The following CBR4 variants were observed in gnomAD, a reference collection of about 807,000 sequenced individuals.
CBR4 encodes the protein 3-oxoacyl-[acyl-carrier-protein] reductase.
CBR4 carries 22 observed loss-of-function variants against 21.0 expected under a neutral mutation model. The observed-to-expected ratio is 1.05, with a 90% CI of 0.75 to 1.50. CBR4 has a LOEUF of 1.50. Among genes scored for constraint, CBR4 ranks in the 40% most tolerant of loss-of-function variants. The pLI, the probability that CBR4 is intolerant of heterozygous loss-of-function variation, is 0.00. For missense variants in CBR4, 302 were observed against 286.3 expected, an observed-to-expected ratio of 1.05 and a Z score of -0.40; for synonymous variants, 100 against 104.4, an observed-to-expected ratio of 0.96 and a Z score of 0.26.
chr4:168,964,691 G>A (rs976546751), intron 2 of CBR4, among the ~76,000 whole-genome samples: 8 of 152,322 alleles, frequency 5.3e-5, no homozygotes, highest in African/African-American at 1.9e-4. Flanking sequence ...GGATGATATG[G>A]TATTTGAGAG....
In CBR4 at chr4:169,007,721, C is replaced by G. The variant is rs147118476; in HGVS notation, c.178G>C (p.Glu60Gln). 20 of 1,590,098 alleles carry G rather than the reference C, an allele frequency of 1.3e-5. No individual in the cohort carries two copies. The highest frequency in any genetic ancestry group is 1.7e-4 in the Middle Eastern group (1 of 6,036). ...TCAAATGTATTTTGAACATCATGTTCTTTAGCAACATCACAGCTAAATGCC... is the reference window on the plus strand; with the variant it reads ...TCAAATGTATTTTGAACATCATGTTGTTTAGCAACATCACAGCTAAATGCC... ...HLAFSCDVAK[E>Q]HDVQNTFEEL... The change falls in exon 2 of 5, where the codon GAA becomes CAA. Residue 60 changes from glutamate to glutamine, a missense_variant. Transcript: ENST00000306193.
intron 2 of CBR4, among the ~76,000 whole-genome samples, chr4:168,902,478 A>T (rs1035681281): frequency 2.0e-5 from 3 of 152,092 alleles, no homozygotes; most frequent in Admixed American, 1.3e-4. Context: ...ACTTAAATCG[A>T]AAATAATAAT....
At chr4:168,917,045 T>TG (rs34363729) in intron 2 of CBR4, among the ~76,000 whole-genome samples, 18,821 of 135,986 alleles carry the variant, frequency 0.14, 1,831 homozygotes, top group African/African-American at 0.23. Context: ...TTTGTTTTTT[T>TG]GGGGTTTTTT....
chr4:168,898,616 A>C, intron 2 of CBR4: 1 of 1,613,952 alleles, frequency 6.2e-7, no homozygotes, highest in African/African-American at 1.3e-5. Context: ...GGAAAATGGA[A>C]TGGCACCATT....
intron 2 of CBR4, among the ~76,000 whole-genome samples, chr4:168,938,985 C>T (rs951948391): frequency 6.6e-6 from 1 of 151,796 alleles, no homozygotes; most frequent in African/African-American, 2.4e-5. Flanking sequence ...CTGGCAGAGA[C>T]AAAACAAAAA....
At chr4:168,928,280 G>GT in intron 2 of CBR4, 1 of 182,412 alleles carries the variant, frequency 5.5e-6, no homozygotes, top group East Asian at 9.0e-5. Context: ...GATTTGCTGG[G>GT]TTTGGGATTA....
intron 2 of CBR4, among the ~76,000 whole-genome samples, chr4:168,896,227 G>A (rs928482584): frequency 1.4e-5 from 2 of 145,102 alleles, no homozygotes; most frequent in African/African-American, 5.0e-5. Flanking sequence ...AAAAAAAAGT[G>A]CATTTAATAC....
downstream of CBR4, among the ~76,000 whole-genome samples, chr4:168,983,445 C>T (rs570090605): frequency 6.6e-6 from 1 of 151,926 alleles, no homozygotes; most frequent in East Asian, 1.9e-4. Context: ...AGAAAAAGCC[C>T]TGGACAAGAA....
chr4:168,995,227 A>G (rs1289940025), intron 4 of CBR4, among the ~76,000 whole-genome samples: 1 of 152,222 alleles, frequency 6.6e-6, no homozygotes, highest in Non-Finnish European at 1.5e-5. Flanking sequence ...CAATTCAAGA[A>G]GCACTAACGC....
intron 2 of CBR4, among the ~76,000 whole-genome samples, chr4:168,967,087 CAA>C (rs1764064061): frequency 6.6e-6 from 1 of 151,534 alleles, no homozygotes; most frequent in African/African-American, 2.4e-5. Context: ...TTCACAGTAG[CAA>C]AGACTTGGAC....
intron 3 of CBR4, among the ~76,000 whole-genome samples, chr4:169,002,541 C>A (rs1730540436): frequency 6.6e-6 from 1 of 152,182 alleles, no homozygotes; most frequent in Non-Finnish European, 1.5e-5. Context: ...TTTATAAAGG[C>A]TTCCAGCAGG....
At chr4:168,903,932 C>G (rs1397191621) in intron 2 of CBR4, 1 of 1,606,074 alleles carries the variant, frequency 6.2e-7, no homozygotes, top group Admixed American at 1.7e-5. Context: ...GGTCTGGGCT[C>G]AGTTCTGTGT....
chr4:168,928,238 C>G lies in CBR4; in HGVS notation n.170-33473G>C, dbSNP rs1071738. 0.55 allele frequency: 101,558 copies of G among 183,792 alleles called. 32,168 individuals are homozygous for G. Among genetic ancestry groups the G allele is most frequent in the East Asian group, 0.88 (9,894 of 11,254 alleles). The allele number at this position is 183,792 out of a possible 1,614,324, so 11.4% of individuals were successfully genotyped here. A position where few individuals can be genotyped will look rare whatever the true frequency, so the allele number is the denominator to read the frequency against. On this transcript the variant is annotated intron_variant and non_coding_transcript_variant, in intron 2 of 3. Coordinates refer to the CBR4 transcript ENST00000509108. ...AGAATTATGACTTATGTCTTACTTG[C>G]CAAATTTTTCTGAATGTGACCTTTT...
Position 168,987,837 on chromosome 4 carries a change from C to G in CBR4, c.*2313G>C. On this transcript the variant is annotated 3_prime_UTR_variant, in exon 5 of 5. Transcript: ENST00000306193. ...AAACTAATTTATAACATATAATTATCTCCCTAAAAAGCAGTTACAAACCAT... is the reference window on the plus strand; with the variant it reads ...AAACTAATTTATAACATATAATTATGTCCCTAAAAAGCAGTTACAAACCAT... The G allele has an allele frequency of 2.0e-6, 2 of 977,416 alleles. No individual in the cohort carries two copies. The highest frequency in any genetic ancestry group is 2.4e-6 in the Non-Finnish European group (2 of 822,784). The allele number at this position is 977,416 out of a possible 1,614,324, so 60.5% of individuals were successfully genotyped here.
intron 1 of CBR4, among the ~76,000 whole-genome samples, chr4:169,009,434 T>C (rs1731201322): frequency 1.3e-5 from 2 of 152,202 alleles, no homozygotes; most frequent in Non-Finnish European, 2.9e-5. Context: ...GGTTTCTCTA[T>C]CAAACACTGC....
chr4:168,961,944 AGAGGAGAGGAGAGGAGAG>A (rs1466278290), intron 2 of CBR4, among the ~76,000 whole-genome samples: 23 of 914 alleles, frequency 0.025, no homozygotes, highest in African/African-American at 0.086. Context: ...AGAGCACAGG[AGAGGAGAGGAGAGGAGAG>A]GAGAGGAGAG....
downstream of CBR4, among the ~76,000 whole-genome samples, chr4:168,985,168 C>T (rs955050184): frequency 1.4e-4 from 21 of 152,082 alleles, no homozygotes; most frequent in African/African-American, 5.1e-4. Context: ...GGTCTAACAT[C>T]CAGAATCTAT....
chr4:168,915,764 A>T (rs1759959671), intron 2 of CBR4: 1 of 694,856 alleles, frequency 1.4e-6, no homozygotes, highest in Non-Finnish European at 2.4e-6. Flanking sequence ...TTAATGTGTA[A>T]ATCTTAGCTG....
At chr4:169,003,803 A>G (rs1488645527) in intron 3 of CBR4, among the ~76,000 whole-genome samples, 4 of 152,244 alleles carry the variant, frequency 2.6e-5, no homozygotes, top group Admixed American at 2.6e-4. Context: ...TTGTAGGGAC[A>G]TGAATGAAAT....
Sources: allele counts gnomAD v4.1 joint callset (sites outside exome capture counted in the v4.1 genomes callset), GRCh38; gene constraint gnomAD v4.1.1; transcripts MANE v1.5; gene names NCBI Gene and HGNC (gene_info 2026-07-23, HGNC 2026-07-21).